CENPM: variants seen among roughly 807,000 people sequenced by gnomAD.
The protein encoded by CENPM is centromere protein M.
CENPM carries 14 observed loss-of-function variants against 19.6 expected under a neutral mutation model. That is an observed-to-expected ratio of 0.71 (90% CI 0.47 to 1.11). CENPM has a LOEUF of 1.11. CENPM is among the 50% of genes most tolerant of loss of function. CENPM has a pLI of 0.00. For missense variants in CENPM, 239 were observed against 228.4 expected, an observed-to-expected ratio of 1.05 and a Z score of -0.30; for synonymous variants, 114 against 101.5, an observed-to-expected ratio of 1.12 and a Z score of -0.74.
chr22:41,930,814 C>A, the CENPM span, among the ~76,000 whole-genome samples: 1 of 151,254 alleles, frequency 6.6e-6, no homozygotes, highest in Non-Finnish European at 1.5e-5. Context: ...GCCACCACTC[C>A]TGGCCTAATT....
chr22:41,938,877 G>T lies in CENPM; in HGVS notation c.*179C>A. The T allele has an allele frequency of 1.5e-6, 1 of 680,406 alleles. No individual in the cohort carries two copies. The highest frequency in any genetic ancestry group is 2.3e-5 in the South Asian group (1 of 44,318). The allele number at this position is 680,406 out of a possible 1,614,324, so 42.1% of individuals were successfully genotyped here. A position where few individuals can be genotyped will look rare whatever the true frequency, so the allele number is the denominator to read the frequency against. On this transcript the variant is annotated 3_prime_UTR_variant, in exon 6 of 6. Transcript: ENST00000215980. Reference sequence around the variant, plus strand: ...GAGGGGGCTACAGTCTCGCCAGCTGGGCCCCCTCGCTGCTTCTGCCCAGCT... The same window carrying T: ...GAGGGGGCTACAGTCTCGCCAGCTGTGCCCCCTCGCTGCTTCTGCCCAGCT...
Position 41,946,482 on chromosome 22 carries a change from C to T in CENPM, c.72G>A (p.Glu24=), listed in dbSNP as rs1409139991. 3.7e-6 allele frequency: 6 copies of T among 1,613,262 alleles called. No individual in the cohort carries two copies. Among genetic ancestry groups the T allele is most frequent in the Non-Finnish European group, 5.1e-6 (6 of 1,179,956 alleles). ...CCGCCAGCTGCTGCAGAAGAGCATCCTCCGTGCCCACCAGCTGCGCAGGGA... is the reference window on the plus strand; with the variant it reads ...CCGCCAGCTGCTGCAGAAGAGCATCTTCCGTGCCCACCAGCTGCGCAGGGA... The part of the protein sequence containing the change: ...NTATILLVGT[E]DALLQQLADS... Residue 24 remains glutamate, a synonymous_variant, in exon 2 of 6, where the codon GAG becomes GAA. Transcript: ENST00000215980.
chr22:41,935,359 C>T (rs1206460645), downstream of CENPM, among the ~76,000 whole-genome samples: 3 of 152,116 alleles, frequency 2.0e-5, no homozygotes, highest in Non-Finnish European at 4.4e-5. Context: ...CAGGCTGCAT[C>T]CACACCGCCT....
intron 5 of CENPM, chr22:41,940,364 C>T (rs2077728556): frequency 1.8e-6 from 1 of 562,462 alleles, no homozygotes. Context: ...CATTTGTTTC[C>T]TTGACTAGAA....
At chr22:41,933,005 G>C in the CENPM span, among the ~76,000 whole-genome samples, 21 of 152,280 alleles carry the variant, frequency 1.4e-4, no homozygotes, top group African/African-American at 5.1e-4. Flanking sequence ...GTGCTGGGGA[G>C]AAAAAGTCAG....
At chr22:41,928,842 C>G in the CENPM span, among the ~76,000 whole-genome samples, 1 of 151,946 alleles carries the variant, frequency 6.6e-6, no homozygotes, top group East Asian at 1.9e-4. The surrounding 1 kb of genome is among the most constrained non-coding windows in gnomAD (Gnocchi z 4.0). Flanking sequence ...GGCCCACGTC[C>G]AGGGCAGGTG....
the CENPM span, among the ~76,000 whole-genome samples, chr22:41,930,186 C>T: frequency 1.3e-5 from 2 of 150,570 alleles, no homozygotes; most frequent in South Asian, 4.2e-4. Context: ...CGAGATCTGC[C>T]CGCCTCGCCC....
At chr22:41,938,584 C>T (rs117962560), downstream of CENPM, 8,941 of 153,740 alleles carry the variant, frequency 0.058, 309 homozygotes, top group Non-Finnish European at 0.079. Flanking sequence ...AGGATGGTCT[C>T]GAATTCCTGA....
Position 41,947,044 on chromosome 22 carries a change from G to A in CENPM, c.33C>T (p.Pro11=). The part of the protein sequence containing the change: MSVLRPLDKL[P]GLNTATILLV... ...CCAAGATGGTGGCCGTGTTCAGGCC[G>A]GGCAGCTTGTCCAGGGGCCTCAACA... Residue 11 remains proline, a synonymous_variant, in exon 1 of 6, where the codon CCC becomes CCT. Transcript: ENST00000215980. 6.2e-7 allele frequency: 1 copy of A among 1,612,934 alleles called. No homozygotes were observed. Among genetic ancestry groups the A allele is most frequent in the Non-Finnish European group, 8.5e-7 (1 of 1,179,958 alleles).
the CENPM span, among the ~76,000 whole-genome samples, chr22:41,930,738 T>G: frequency 6.6e-6 from 1 of 151,654 alleles, no homozygotes; most frequent in Non-Finnish European, 1.5e-5. Flanking sequence ...GAGGCTAGTC[T>G]CAAACTCCTG....
intron 3 of CENPM, among the ~76,000 whole-genome samples, chr22:41,945,550 A>C (rs1486077845): frequency 6.6e-6 from 1 of 151,122 alleles, no homozygotes; most frequent in Non-Finnish European, 1.5e-5. Context: ...TCCTGGGTTC[A>C]AATGATTCTC....
chr22:41,938,894 T>C lies in CENPM; in HGVS notation c.*162A>G. 3 of 862,072 alleles carry C rather than the reference T, an allele frequency of 3.5e-6. No individual in the cohort carries two copies. Among genetic ancestry groups the C allele is most frequent in the Non-Finnish European group, 5.2e-6 (3 of 572,810 alleles). The allele number at this position is 862,072 out of a possible 1,614,324, so 53.4% of individuals were successfully genotyped here. A position where few individuals can be genotyped will look rare whatever the true frequency, so the allele number is the denominator to read the frequency against. ...GCCAGCTGGGCCCCCTCGCTGCTTC[T>C]GCCCAGCTCTCCCTGCTGCAGCACT... On this transcript the variant is annotated 3_prime_UTR_variant, in exon 6 of 6. Transcript: ENST00000215980.
chr22:41,945,189 T>A (rs529155028), intron 4 of CENPM, 36 bp downstream of exon 4: 2 of 1,613,718 alleles, frequency 1.2e-6, no homozygotes, highest in African/African-American at 2.7e-5. Flanking sequence ...TTCCCTTGGC[T>A]GGGGGTGGGC....
rs1470333959 is a variant in CENPM, at chr22:41,946,480, T to C, written c.74A>G (p.Asp25Gly). 2.5e-6 allele frequency: 4 copies of C among 1,613,146 alleles called. No individual in the cohort carries two copies. Among genetic ancestry groups the C allele is most frequent in the Admixed American group, 3.3e-5 (2 of 59,998 alleles). The change falls in exon 2 of 6, where the codon GAT becomes GGT. Residue 25 changes from aspartate to glycine, a missense_variant. Transcript: ENST00000215980. ...TATILLVGTE[D>G]ALLQQLADSM... is the part of the protein sequence containing the mutation. The stretch of plus-strand genomic sequence containing the variant: ...GTCCGCCAGCTGCTGCAGAAGAGCA[T>C]CCTCCGTGCCCACCAGCTGCGCAGG...
chr22:41,937,116 AGAGTC>A (rs1602382207), downstream of CENPM, among the ~76,000 whole-genome samples: 3 of 152,134 alleles, frequency 2.0e-5, no homozygotes, highest in East Asian at 5.8e-4. Context: ...TGGGATTTCT[AGAGTC>A]CACTTCTGAT....
chr22:41,928,142 C>T, the CENPM span: 1 of 408,178 alleles, frequency 2.4e-6, no homozygotes, highest in South Asian at 1.9e-5. The surrounding 1 kb of genome is among the most constrained non-coding windows in gnomAD (Gnocchi z 4.0). Flanking sequence ...GCCACTGGGG[C>T]TTTGTGCAGG....
In CENPM at chr22:41,946,047, C is replaced by T. The variant is rs369429864; in HGVS notation, c.138-42G>A. ...TGCAGGACTCAAGATATCCGTACCC[C>T]CCTCATAGCGACCGTTTAAATGCTG... On this transcript the variant is annotated intron_variant, in intron 2 of 5. Coordinates refer to ENST00000215980, the MANE Select transcript of CENPM (RefSeq NM_024053.5). 3.6e-4 allele frequency: 547 copies of T among 1,523,188 alleles called. 1 individual carries two copies. The highest frequency in any genetic ancestry group is 2.9e-3 in the Middle Eastern group (17 of 5,884). The allele number at this position is 1,523,188 out of a possible 1,614,324, so 94.4% of individuals were successfully genotyped here.
At chr22:41,932,121 G>A in the CENPM span, among the ~76,000 whole-genome samples, 1 of 152,048 alleles carries the variant, frequency 6.6e-6, no homozygotes, top group Non-Finnish European at 1.5e-5. The surrounding 1 kb of genome is among the most constrained non-coding windows in gnomAD (Gnocchi z 4.3). Flanking sequence ...GTCAGCAGTG[G>A]AGATGGCTCT....
At chr22:41,945,399 AGAGAAT>A in intron 3 of CENPM, 95 bp from the exon 4 acceptor site, 1 of 1,566,782 alleles carries the variant, frequency 6.4e-7, no homozygotes, top group Middle Eastern at 1.7e-4. Flanking sequence ...CCTAGAGGCC[AGAGAAT>A]GACAAGAGGG....
Sources: gnomAD v4.1 joint callset for allele counts (sites outside exome capture counted in the v4.1 genomes callset) on GRCh38, gnomAD v4.1.1 for gene constraint, Gnocchi (gnomAD v3.1) non-coding constraint, MANE v1.5 for transcripts, NCBI Gene and HGNC (gene_info 2026-07-23, HGNC 2026-07-21) for gene names.